ZNF732: variants seen among roughly 807,000 people sequenced by gnomAD.
ZNF732 encodes the protein zinc finger protein 732, also known as zinc finger protein LOC654254.
In ZNF732, 12 loss-of-function variants were observed where a neutral mutation model predicts 11.5. The observed-to-expected ratio is 1.05, with a 90% CI of 0.67 to 1.70. The LOEUF (loss-of-function observed/expected upper bound fraction) is 1.70, where lower values mean the gene tolerates loss of function less well. Ranked by LOEUF, ZNF732 falls within the 40% of genes most tolerant of loss-of-function variation. The pLI, the probability that ZNF732 is intolerant of heterozygous loss-of-function variation, is 0.00. For missense variants in ZNF732, 702 were observed against 676.9 expected (o/e 1.04, Z -0.41); for synonymous variants, 231 against 236.5 (o/e 0.98, Z 0.21).
rs782175929 is a variant in ZNF732, at chr4:271,574, C to A, written c.1283G>T (p.Gly428Val). The A allele has an allele frequency of 6.2e-7, 1 of 1,611,930 alleles. No individual in the cohort carries two copies. Among genetic ancestry groups the A allele is most frequent in the Non-Finnish European group, 8.5e-7 (1 of 1,179,116 alleles). ...ATGTTTATTCAGGTCTGTGGACCAT[C>A]CAAAGGCTTTGCCACACTCTTCACA... The part of the protein sequence containing the change: ...HKCEECGKAF[G>V]WSTDLNKHKI... Residue 428 changes from glycine (G) to valine (V), a missense_variant, in exon 4 of 4, where the codon GGA (glycine) becomes GTA (valine). Gly to Val is a moderately radical substitution (Grantham distance 109, BLOSUM62 -3). Transcript: ENST00000419098.
At chr4:295,765 G>A (rs1258579912) in intron 2 of ZNF732, among the ~76,000 whole-genome samples, 1 of 151,962 alleles carries the variant, frequency 6.6e-6, no homozygotes, top group East Asian at 1.9e-4. Flanking sequence ...TTAAGATGTG[G>A]GAAACAATAA....
rs781789995 is a variant in ZNF732, at chr4:296,223, C to G, written c.4-68G>C. 1.1e-4 allele frequency: 173 copies of G among 1,573,032 alleles called. 1 individual carries two copies. The highest frequency in any genetic ancestry group is 1.7e-4 in the Middle Eastern group (1 of 5,946). On this transcript the variant is annotated intron_variant, in intron 1 of 3. Coordinates refer to ENST00000419098, the MANE Select transcript of ZNF732 (RefSeq NM_001137608.3). ...CTACAGGTGAAATGAGTTAAGAGAA[C>G]TAGTTCTGACATGTGACTGACTGAG...
chr4:298,900 C>T (rs556278040), intron 1 of ZNF732, among the ~76,000 whole-genome samples: 4 of 152,288 alleles, frequency 2.6e-5, no homozygotes, highest in Admixed American at 6.5e-5. Context: ...TTAACAGATT[C>T]TGCCACAGGA....
chr4:271,250 C>T lies in ZNF732; in HGVS notation c.1607G>A (p.Gly536Asp), dbSNP rs781897945. The change falls in exon 4 of 4, where the codon GGC (glycine) becomes GAC (aspartate). Residue 536 changes from glycine (G) to aspartate (D), a missense_variant. Around this residue, in one of 3 missense-constraint regions of ZNF732, gnomAD observed 94 missense variants for 87.5 expected, o/e 1.07. Transcript: ENST00000419098. ...GEKPYRCEEC[G>D]KAFRRSRVLN... ...GACTCTGGAACGTCTAAATGCTTTG[C>T]CACACTCTTCACATCTATAAGGTTT... 10 of 1,570,398 alleles carry T rather than the reference C, an allele frequency of 6.4e-6. No homozygotes were observed. Among genetic ancestry groups the T allele is most frequent in the South Asian group, 1.2e-5 (1 of 86,354 alleles).
chr4:292,492 G>T (rs760606616), intron 3 of ZNF732, among the ~76,000 whole-genome samples: 2 of 150,842 alleles, frequency 1.3e-5, no homozygotes, highest in Non-Finnish European at 2.9e-5. Flanking sequence ...GGGAGGCAGA[G>T]GTTGCAGTGA....
At chr4:300,454 CAAAAAAAAAAA>C (rs559629684) in intron 1 of ZNF732, among the ~76,000 whole-genome samples, 6 of 58,648 alleles carry the variant, frequency 1.0e-4, no homozygotes, top group East Asian at 5.9e-4. Flanking sequence ...GACTCTGTCT[CAAAAAAAAAAA>C]AAAAAAAAAG....
At chr4:297,082 A>G (rs1316063924) in intron 1 of ZNF732, among the ~76,000 whole-genome samples, 1 of 152,164 alleles carries the variant, frequency 6.6e-6, no homozygotes, top group Non-Finnish European at 1.5e-5. Flanking sequence ...ACCCTGGCCA[A>G]TATGGTGAAA....
At chr4:299,353 A>ACATATGTGTATATATATACACG (rs1720030547) in intron 1 of ZNF732, among the ~76,000 whole-genome samples, 2 of 128,542 alleles carry the variant, frequency 1.6e-5, no homozygotes, top group Non-Finnish European at 3.3e-5. Context: ...GTATATATAC[A>ACATATGTGTATATATATACACG]CATATATACA....
At chr4:296,706 T>C (rs1553842358) in intron 1 of ZNF732, among the ~76,000 whole-genome samples, 1 of 152,170 alleles carries the variant, frequency 6.6e-6, no homozygotes, top group African/African-American at 2.4e-5. Flanking sequence ...ATTTTGCAGG[T>C]TTGAAAAGAG....
intron 1 of ZNF732, among the ~76,000 whole-genome samples, chr4:304,233 A>G (rs1720178929): frequency 2.0e-5 from 3 of 152,178 alleles, no homozygotes; most frequent in African/African-American, 7.2e-5. Context: ...GGTTAGCATT[A>G]AGTGGGGGCT....
intron 1 of ZNF732, among the ~76,000 whole-genome samples, chr4:299,877 T>G (rs1212156546): frequency 6.9e-6 from 1 of 145,888 alleles, no homozygotes; most frequent in South Asian, 2.1e-4. Context: ...TTTTTTTTTT[T>G]TTTTTAAGTA....
intron 3 of ZNF732, among the ~76,000 whole-genome samples, chr4:273,245 A>C (rs1157362477): frequency 6.6e-6 from 1 of 152,064 alleles, no homozygotes; most frequent in African/African-American, 2.4e-5. Flanking sequence ...AATTCTAGAC[A>C]AGACACATCC....
intron 3 of ZNF732, 46 bp downstream of exon 3, chr4:295,384 TTCTGGACC>T: frequency 6.9e-7 from 1 of 1,443,280 alleles, no homozygotes; most frequent in Admixed American, 2.2e-5. Context: ...CCTAGCTTCC[TTCTGGACC>T]TTGGTCCCCT....
chr4:290,275 A>G (rs1719816974), intron 3 of ZNF732, among the ~76,000 whole-genome samples: 1 of 152,244 alleles, frequency 6.6e-6, no homozygotes, highest in African/African-American at 2.4e-5. Context: ...GAGCCCATAG[A>G]CATAGCTACA....
intron 3 of ZNF732, among the ~76,000 whole-genome samples, chr4:276,156 G>A (rs1296008942): frequency 1.3e-5 from 2 of 151,620 alleles, no homozygotes; most frequent in African/African-American, 4.8e-5. Context: ...AAAATTAGGA[G>A]AATTTCAATG....
chr4:292,503 G>A (rs1719858536), intron 3 of ZNF732, among the ~76,000 whole-genome samples: 1 of 149,586 alleles, frequency 6.7e-6, no homozygotes, highest in South Asian at 2.1e-4. Flanking sequence ...GTTGCAGTGA[G>A]CTGAGATCAT....
intron 3 of ZNF732, among the ~76,000 whole-genome samples, chr4:287,649 A>ATT (rs199717918): frequency 7.9e-5 from 12 of 150,986 alleles, no homozygotes; most frequent in Admixed American, 2.6e-4. Context: ...ATATATATAT[A>ATT]TATTTTTTTT....
chr4:285,840 A>C (rs1719719246), intron 3 of ZNF732, among the ~76,000 whole-genome samples: 1 of 152,202 alleles, frequency 6.6e-6, no homozygotes. Context: ...CCCAGGGTTC[A>C]AGCGATCCTT....
At chr4:292,906 A>C (rs1553841559) in intron 3 of ZNF732, among the ~76,000 whole-genome samples, 3 of 147,636 alleles carry the variant, frequency 2.0e-5, no homozygotes, top group Non-Finnish European at 3.0e-5. Flanking sequence ...AAAAAAAAAA[A>C]AAAAAAAAAA....
Sources: gnomAD v4.1 joint callset for allele counts (sites outside exome capture counted in the v4.1 genomes callset) on GRCh38, gnomAD v4.1.1 for gene constraint, gnomAD v4.1.1 regional missense constraint, MANE v1.5 for transcripts, NCBI Gene and HGNC (gene_info 2026-07-23, HGNC 2026-07-21) for gene names.